The following ATP2C1 variants were observed in gnomAD, a reference collection of about 807,000 sequenced individuals.
The protein encoded by ATP2C1 is ATPase secretory pathway Ca2+ transporting 1, also known as calcium-transporting ATPase type 2C member 1.
Under a neutral mutation model 120.5 loss-of-function variants are expected in ATP2C1, and 31 were observed. That is an observed-to-expected ratio of 0.26 (90% confidence interval 0.19 to 0.35). ATP2C1 has a LOEUF of 0.35. Ranked by LOEUF, ATP2C1 falls within the 10% of genes least tolerant of loss-of-function variation. The pLI is 1.00. For missense variants in ATP2C1, 731 were observed against 1,107.5 expected (o/e 0.66, Z 4.83); for synonymous variants, 351 against 358.7 (o/e 0.98, Z 0.24).
upstream of ATP2C1, among the ~76,000 whole-genome samples, chr3:130,889,345 C>T (rs1403088640): frequency 6.6e-6 from 1 of 152,152 alleles, no homozygotes; most frequent in Admixed American, 6.5e-5. Flanking sequence ...TGACCTTATT[C>T]GAGGACCTAG....
intron 6 of ATP2C1, among the ~76,000 whole-genome samples, chr3:130,939,158 A>G (rs1367151930): frequency 6.6e-6 from 1 of 152,178 alleles, no homozygotes; most frequent in African/African-American, 2.4e-5. Context: ...ATCCTCTCCA[A>G]AAAGATCCTA....
Position 130,929,103 on chromosome 3 carries a change from A to T in ATP2C1, c.7-1313A>T, listed in dbSNP as rs144378851. Among the ~76,000 whole-genome samples the T allele has an allele frequency of 7.2e-4, 109 of 152,312 alleles. 1 individual carries two copies. Among genetic ancestry groups the T allele is most frequent in the African/African-American group, 2.4e-3 (99 of 41,578 alleles). Reference sequence around the variant, plus strand: ...TTATGTAAAAATATTATGCTATAAAATAATTTCAGTAATTTGCAGTAAAGA... The same window carrying T: ...TTATGTAAAAATATTATGCTATAAATTAATTTCAGTAATTTGCAGTAAAGA... On this transcript the variant is annotated intron_variant, in intron 2 of 27. Coordinates refer to ENST00000510168, the MANE Select transcript of ATP2C1 (RefSeq NM_001378687.1).
At chr3:130,879,692 T>C (rs890199019) in intron 1 of ATP2C1, among the ~76,000 whole-genome samples, 3 of 152,254 alleles carry the variant, frequency 2.0e-5, no homozygotes, top group African/African-American at 7.2e-5. Flanking sequence ...GTATCTTTCA[T>C]AGAAAAAGAC....
chr3:130,933,783 C>T (rs2059552391), intron 4 of ATP2C1, among the ~76,000 whole-genome samples: 1 of 152,026 alleles, frequency 6.6e-6, no homozygotes, highest in Admixed American at 6.6e-5. Context: ...TATAGGATTC[C>T]GATGTGAAGA....
At chr3:130,865,942 A>G (rs759567662) in intron 1 of ATP2C1, among the ~76,000 whole-genome samples, 3 of 152,178 alleles carry the variant, frequency 2.0e-5, no homozygotes, top group Non-Finnish European at 4.4e-5. Flanking sequence ...AATCCCCATA[A>G]TCATATATTG....
At position 130,953,925 on chromosome 3, in the gene ATP2C1, G is replaced by A. The variant is rs6810181; in HGVS notation, c.636G>A (p.Ser212=). The change falls in exon 9 of 28, where the codon TCG becomes TCA. Residue 212 remains serine, a synonymous_variant. Transcript: ENST00000510168. The part of the protein sequence containing the change: ...QPAATNGDLA[S]RSNIAFMGTL... ...CTGCAACTAATGGAGATCTTGCATC[G>A]AGAAGTAACATTGCCTTTATGGGAA... 10,342 of 1,614,006 alleles carry A rather than the reference G, an allele frequency of 6.4e-3. 389 individuals carry two copies. The African/African-American group carries it at 0.096, about 15-fold the overall frequency.
At chr3:130,987,662 A>G (rs897646410) in intron 20 of ATP2C1, among the ~76,000 whole-genome samples, 2 of 152,348 alleles carry the variant, frequency 1.3e-5, no homozygotes, top group South Asian at 2.1e-4. Flanking sequence ...ATCAGTTTGA[A>G]TAACTTTTAT....
chr3:130,999,537 T>G lies in ATP2C1; in HGVS notation c.2507T>G (p.Ile836Ser). Residue 836 changes from isoleucine (I) to serine (S), a missense_variant, in exon 27 of 28, where the codon ATT (isoleucine) becomes AGT (serine). Ile to Ser is a moderately radical substitution (Grantham distance 142). Coordinates refer to ENST00000510168, the MANE Select transcript of ATP2C1 (RefSeq NM_001378687.1). ...CAACAGACCAAGTCTGTGTTTGAGA[T>G]TGGACTCTGCAGTAATAGAATGTTT... ...SRSQTKSVFE[I>S]GLCSNRMFCY... 6.2e-7 allele frequency: 1 copy of G among 1,613,744 alleles called. No homozygotes were observed. Among genetic ancestry groups the G allele is most frequent in the East Asian group, 2.2e-5 (1 of 44,794 alleles).
chr3:130,894,139 T>C lies in ATP2C1; in HGVS notation c.-379T>C. The C allele has an allele frequency of 1.1e-6, 1 of 937,580 alleles. No homozygotes were observed. Among genetic ancestry groups the C allele is most frequent in the Non-Finnish European group, 1.3e-6 (1 of 786,734 alleles). The allele number at this position is 937,580 out of a possible 1,614,324, so 58.1% of individuals were successfully genotyped here. ...GCGGACCGTGACGGGTCCCCTCACC[T>C]CCTCTTCTCTCCCCTCCCCGCCCGC... is the stretch of plus-strand genomic sequence containing the variant. On this transcript the variant is annotated 5_prime_UTR_variant, in exon 1 of 28. Transcript: ENST00000510168. The surrounding 1 kb of genome is among the most constrained non-coding windows in gnomAD (Gnocchi z 4.5).
At chr3:130,951,508 C>T (rs2060367990) in intron 8 of ATP2C1, among the ~76,000 whole-genome samples, 1 of 152,108 alleles carries the variant, frequency 6.6e-6, no homozygotes, top group African/African-American at 2.4e-5. Context: ...TTGGCATTAT[C>T]TTTGAAGAAG....
chr3:130,976,001 C>T (rs1283636581), intron 18 of ATP2C1, among the ~76,000 whole-genome samples: 1 of 152,034 alleles, frequency 6.6e-6, no homozygotes, highest in Non-Finnish European at 1.5e-5. Context: ...CACATTAGGC[C>T]ACCTCTCCTA....
At chr3:130,995,992 A>C in intron 22 of ATP2C1, 51 bp from the exon 23 acceptor site, 2 of 1,203,188 alleles carry the variant, frequency 1.7e-6, no homozygotes, top group Non-Finnish European at 2.5e-6. Flanking sequence ...GTATAGATAC[A>C]TTTTTGTATG....
chr3:130,984,939 G>C (rs775726513), intron 20 of ATP2C1, among the ~76,000 whole-genome samples: 1 of 152,162 alleles, frequency 6.6e-6, no homozygotes, highest in South Asian at 2.1e-4. Context: ...ACATAGGACT[G>C]TTATGAGCAT....
At chr3:130,928,449 A>G (rs1170224000) in intron 2 of ATP2C1, among the ~76,000 whole-genome samples, 1 of 152,226 alleles carries the variant, frequency 6.6e-6, no homozygotes, top group Non-Finnish European at 1.5e-5. Flanking sequence ...GACCCTATCT[A>G]TATACCAACT....
At chr3:130,875,362 G>C (rs184190487) in intron 1 of ATP2C1, among the ~76,000 whole-genome samples, 1 of 152,240 alleles carries the variant, frequency 6.6e-6, no homozygotes, top group African/African-American at 2.4e-5. Flanking sequence ...TCATGTATGG[G>C]TGTGAACATG....
At chr3:130,957,467 C>G (rs2060629556) in intron 11 of ATP2C1, among the ~76,000 whole-genome samples, 1 of 152,060 alleles carries the variant, frequency 6.6e-6, no homozygotes, top group South Asian at 2.1e-4. Flanking sequence ...TAAGCACTTG[C>G]ATTAATTTTG....
At position 130,940,612 on chromosome 3, in the gene ATP2C1, T is replaced by C. The variant is rs765283441; in HGVS notation, c.361-18T>C. The C allele has an allele frequency of 1.5e-5, 23 of 1,521,120 alleles. No homozygotes were observed. The highest frequency in any genetic ancestry group is 2.7e-5 in the African/African-American group (2 of 73,022). The allele number at this position is 1,521,120 out of a possible 1,614,324, so 94.2% of individuals were successfully genotyped here. A position where few individuals can be genotyped will look rare whatever the true frequency, so the allele number is the denominator to read the frequency against. ...TCATGGGAGCAAAATTAAATTCTAC[T>C]TTTTTTTGTTTGAATAGGAATATCG... On this transcript the variant is annotated intron_variant, in intron 6 of 27. Coordinates refer to ENST00000510168, the MANE Select transcript of ATP2C1 (RefSeq NM_001378687.1).
chr3:130,969,766 G>T (rs1471153017), intron 17 of ATP2C1, among the ~76,000 whole-genome samples: 1 of 152,164 alleles, frequency 6.6e-6, no homozygotes, highest in Non-Finnish European at 1.5e-5. Flanking sequence ...TTCACTGAAG[G>T]AATGTCTTAT....
At chr3:130,990,906 T>C (rs887061447) in intron 20 of ATP2C1, among the ~76,000 whole-genome samples, 1 of 152,082 alleles carries the variant, frequency 6.6e-6, no homozygotes, top group Admixed American at 6.5e-5. Flanking sequence ...TAACAGAGGA[T>C]AGGAAGGAGC....
Sources: gnomAD v4.1 joint callset for allele counts (sites outside exome capture counted in the v4.1 genomes callset) on GRCh38, gnomAD v4.1.1 for gene constraint, Gnocchi (gnomAD v3.1) non-coding constraint, MANE v1.5 for transcripts, NCBI Gene and HGNC (gene_info 2026-07-23, HGNC 2026-07-21) for gene names.